Variants in PAK1IP1 observed in about 807,000 individuals in gnomAD.
The protein encoded by PAK1IP1 is PAK1 interacting protein 1.
A neutral mutation model predicts 42.0 loss-of-function variants in PAK1IP1; 24 were observed. That is an observed-to-expected ratio of 0.57 (90% CI 0.41 to 0.80). The LOEUF (loss-of-function observed/expected upper bound fraction) is 0.80, where lower values mean the gene tolerates loss of function less well. PAK1IP1 is among the 30% of genes least tolerant of loss of function. The probability of loss-of-function intolerance (pLI) is 0.00; values close to 1 mark genes in which losing one functional copy is unlikely to be tolerated. For synonymous variants in PAK1IP1, 154 were observed against 156.7 expected (o/e 0.98, Z 0.13); for missense variants, 411 against 467.9 (o/e 0.88, Z 1.12).
In PAK1IP1 at chr6:10,699,114, C is replaced by T. The variant is rs143212877; in HGVS notation, c.247+1628C>T. Among the ~76,000 whole-genome samples, 230 of 148,626 alleles carry T rather than the reference C, an allele frequency of 1.5e-3. 1 individual carries two copies. Among genetic ancestry groups the T allele is most frequent in the Non-Finnish European group, 2.4e-3 (163 of 67,554 alleles). On this transcript the variant is annotated intron_variant, in intron 2 of 9. Coordinates refer to ENST00000379568, the MANE Select transcript of PAK1IP1 (RefSeq NM_017906.3). ...ACTTAGGAGGCTGAGGCAGGAGAAT[C>T]GCTTGAACCTGGGGAGGCAGAGTGT...
intron 1 of PAK1IP1, among the ~76,000 whole-genome samples, chr6:10,696,247 G>T (rs1769836260): frequency 6.6e-6 from 1 of 152,094 alleles, no homozygotes; most frequent in Non-Finnish European, 1.5e-5. Context: ...TACATTATGT[G>T]AATTTTAAAA....
upstream of PAK1IP1, chr6:10,694,885 T>C (rs879001419): frequency 3.8e-5 from 30 of 798,014 alleles, no homozygotes; most frequent in African/African-American, 5.3e-5. Flanking sequence ...CGAGCGCCGA[T>C]GCAGAAAGGA....
rs370892880 is a variant in PAK1IP1, at chr6:10,708,229, C to T, written c.840+715C>T. Among the ~76,000 whole-genome samples the T allele has an allele frequency of 6.1e-5, 9 of 146,482 alleles. No homozygotes were observed. The East Asian group carries it at 1.9e-3, about 31-fold the overall frequency. On this transcript the variant is annotated intron_variant, in intron 8 of 9. Coordinates refer to ENST00000379568, the MANE Select transcript of PAK1IP1 (RefSeq NM_017906.3). ...CTGCCAGTCCCTGGTAACTAGTAAT[C>T]TGTTTTTTGTTTTTATGGATTTGCC...
chr6:10,692,721 CATTTT>C (rs372131380), upstream of PAK1IP1, among the ~76,000 whole-genome samples: 202 of 152,124 alleles, frequency 1.3e-3, 1 homozygote, highest in South Asian at 0.02. Context: ...TGCGTCTGGC[CATTTT>C]ATTTTATTTT....
upstream of PAK1IP1, chr6:10,694,407 C>T (rs1052557152): frequency 1.9e-5 from 3 of 154,444 alleles, no homozygotes; most frequent in African/African-American, 7.2e-5. Context: ...AACGCGGACA[C>T]ATCTAGCACT....
At chr6:10,706,250 C>T (rs1770202427) in intron 7 of PAK1IP1, among the ~76,000 whole-genome samples, 1 of 152,042 alleles carries the variant, frequency 6.6e-6, no homozygotes, top group Non-Finnish European at 1.5e-5. Context: ...GAGAGAGGCA[C>T]AGGTGCAAAG....
intron 8 of PAK1IP1, 48 bp downstream of exon 8, chr6:10,707,562 C>A: frequency 8.5e-7 from 1 of 1,172,610 alleles, no homozygotes; most frequent in African/African-American, 1.5e-5. Context: ...AAGTCTTGCT[C>A]ATAAGTGAGG....
At chr6:10,697,677 G>A (rs1561890398) in intron 2 of PAK1IP1, among the ~76,000 whole-genome samples, 191 bp downstream of exon 2, 2 of 152,110 alleles carry the variant, frequency 1.3e-5, no homozygotes, top group Middle Eastern at 3.2e-3. Context: ...GGAGGCTGAG[G>A]TGGGTGGATC....
chr6:10,709,445 T>C lies in PAK1IP1; in HGVS notation c.1172T>C (p.Met391Thr). Residue 391 changes from methionine to threonine, a missense_variant, in exon 10 of 10, where the codon ATG (methionine) becomes ACG (threonine). Physicochemically the swap from Met to Thr is moderately conservative, Grantham distance 81 (BLOSUM62 -1). Coordinates refer to ENST00000379568, the MANE Select transcript of PAK1IP1 (RefSeq NM_017906.3). ...AGGAAAAAGAAGAAAATAAAAACAATGCAGTGAATCACAGATGTCTCCTGA... is the reference window on the plus strand; with the variant it reads ...AGGAAAAAGAAGAAAATAAAAACAACGCAGTGAATCACAGATGTCTCCTGA... Reference protein sequence around the residue: ...KKRKKKKIKTMQ With the variant: ...KKRKKKKIKTTQ 1 of 1,599,736 alleles carries C rather than the reference T, an allele frequency of 6.3e-7. No individual in the cohort carries two copies. The highest frequency in any genetic ancestry group is 1.1e-5 in the South Asian group (1 of 89,818).
At chr6:10,693,405 T>C (rs1414606812), upstream of PAK1IP1, among the ~76,000 whole-genome samples, 2 of 152,228 alleles carry the variant, frequency 1.3e-5, no homozygotes, top group East Asian at 3.8e-4. Flanking sequence ...AATAACAAGG[T>C]CTTTTCTGCA....
chr6:10,706,181 G>C (rs1261089770), intron 7 of PAK1IP1, among the ~76,000 whole-genome samples: 4 of 152,026 alleles, frequency 2.6e-5, no homozygotes, highest in Non-Finnish European at 4.4e-5. Flanking sequence ...GGTTTAGATA[G>C]GATGATGAGG....
At chr6:10,697,937 G>A (rs1236322599) in intron 2 of PAK1IP1, among the ~76,000 whole-genome samples, 1 of 151,958 alleles carries the variant, frequency 6.6e-6, no homozygotes, top group East Asian at 1.9e-4. Context: ...CTTACGGTCT[G>A]TATTGGGAGA....
Position 10,695,482 on chromosome 6 carries a change from G to A in PAK1IP1, c.84+413G>A, listed in dbSNP as rs146976805. Reference sequence around the variant, plus strand: ...AGGATAAATCCCTTATAGGTAAAGCGATACCAATTCATTATTTGTTGGGAA... The same window carrying A: ...AGGATAAATCCCTTATAGGTAAAGCAATACCAATTCATTATTTGTTGGGAA... On this transcript the variant is annotated intron_variant, in intron 1 of 9. Coordinates refer to ENST00000379568, the MANE Select transcript of PAK1IP1 (RefSeq NM_017906.3). 1.5e-3 allele frequency among the ~76,000 whole-genome samples: 235 copies of A among 152,250 alleles called. 2 individuals are homozygous for A. The highest frequency in any genetic ancestry group is 5.1e-3 in the African/African-American group (211 of 41,530).
rs9358797 is a variant in PAK1IP1 at position 10,704,488 on chromosome 6, C to T, written c.497-19C>T. 1.4e-3 allele frequency: 2,078 copies of T among 1,467,292 alleles called. 48 individuals carry two copies. The East Asian group carries it at 0.037, about 26-fold the overall frequency. The allele number at this position is 1,467,292 out of a possible 1,614,324, so 90.9% of individuals were successfully genotyped here. On this transcript the variant is annotated intron_variant, in intron 5 of 9. Transcript: ENST00000379568. ...TTTTATTTACAAAATAAATAAACTT[C>T]GTTTTTTTCCACTTACAGATGCTCA...
chr6:10,696,104 G>A (rs1233826875), intron 1 of PAK1IP1, among the ~76,000 whole-genome samples: 1 of 152,132 alleles, frequency 6.6e-6, no homozygotes, highest in African/African-American at 2.4e-5. Context: ...TTAAGTGACT[G>A]CTGAAGGACA....
intron 7 of PAK1IP1, among the ~76,000 whole-genome samples, chr6:10,705,396 CTGT>C (rs1770171635): frequency 6.6e-6 from 1 of 152,118 alleles, no homozygotes; most frequent in Non-Finnish European, 1.5e-5. Context: ...TTTTAAATGT[CTGT>C]TAGACTTGGA....
chr6:10,699,187 C>T (rs572844642), intron 2 of PAK1IP1, among the ~76,000 whole-genome samples: 5 of 121,360 alleles, frequency 4.1e-5, no homozygotes, highest in African/African-American at 1.4e-4. Context: ...GGCGACAGAG[C>T]GAGACTCTGT....
intron 2 of PAK1IP1, among the ~76,000 whole-genome samples, chr6:10,701,557 A>C (rs796145831): frequency 2.0e-4 from 30 of 152,360 alleles, no homozygotes; most frequent in African/African-American, 6.3e-4. Flanking sequence ...CAAACTTTCC[A>C]AAGTGAGAAA....
chr6:10,692,744 A>G (rs1769451544), upstream of PAK1IP1, among the ~76,000 whole-genome samples: 1 of 152,178 alleles, frequency 6.6e-6, no homozygotes, highest in African/African-American at 2.4e-5. Context: ...TTTTTGAGAC[A>G]GAGTCCTGAC....
Sources: gnomAD v4.1 joint callset for allele counts (sites outside exome capture counted in the v4.1 genomes callset) on GRCh38, gnomAD v4.1.1 for gene constraint, MANE v1.5 for transcripts, NCBI Gene and HGNC (gene_info 2026-07-23, HGNC 2026-07-21) for gene names.